GABRG3: variants seen among roughly 807,000 people sequenced by gnomAD.
GABRG3 encodes the protein gamma-aminobutyric acid type A receptor subunit gamma3.
GABRG3 carries 25 observed loss-of-function variants against 48.8 expected under a neutral mutation model. The observed-to-expected ratio is 0.51, with a 90% CI of 0.37 to 0.72. GABRG3 has a LOEUF of 0.72. Ranked by LOEUF, GABRG3 falls within the 30% of genes least tolerant of loss-of-function variation. The pLI, the probability that GABRG3 is intolerant of heterozygous loss-of-function variation, is 0.00. For missense variants in GABRG3, 394 were observed against 577.9 expected (o/e 0.68, Z 3.26); for synonymous variants, 227 against 217.6 (o/e 1.04, Z -0.38).
At chr15:27,202,307 C>T (rs1457860891) in intron 3 of GABRG3, among the ~76,000 whole-genome samples, 1 of 151,864 alleles carries the variant, frequency 6.6e-6, no homozygotes, top group Admixed American at 6.5e-5. Context: ...CTTGGTCAAT[C>T]CTTCAGGTCA....
chr15:27,098,790 A>G (rs1386677986), intron 3 of GABRG3, among the ~76,000 whole-genome samples: 1 of 152,056 alleles, frequency 6.6e-6, no homozygotes, highest in African/African-American at 2.4e-5. Flanking sequence ...AAAAACCCTC[A>G]ATATACTAGA....
intron 2 of GABRG3, among the ~76,000 whole-genome samples, chr15:26,986,489 T>C (rs1248436432): frequency 2.0e-5 from 3 of 152,084 alleles, no homozygotes; most frequent in Non-Finnish European, 4.4e-5. Context: ...CCTCACCACT[T>C]TGGGCAGCTG....
Position 27,096,842 on chromosome 15 carries a change from T to C in GABRG3, c.270+70021T>C, listed in dbSNP as rs554235605. ...ATTCTTTTCTTTTCTTTCTATCTTTTTTTTTTTTTTTTTTGGGAGAATGTG... is the reference window on the plus strand; with the variant it reads ...ATTCTTTTCTTTTCTTTCTATCTTTCTTTTTTTTTTTTTTGGGAGAATGTG... On this transcript the variant is annotated intron_variant, in intron 3 of 9. Transcript: ENST00000615808. Among the ~76,000 whole-genome samples the C allele has an allele frequency of 3.4e-5, 5 of 145,322 alleles. No individual in the cohort carries two copies. In the South Asian group the frequency reaches 1.1e-3, roughly 31 times the overall value.
intron 3 of GABRG3, among the ~76,000 whole-genome samples, chr15:27,281,882 T>A (rs1199985392): frequency 6.6e-6 from 1 of 152,314 alleles, no homozygotes; most frequent in African/African-American, 2.4e-5. Context: ...TTACTTTTAT[T>A]ATTCCCTTTC....
At chr15:27,310,686 AAAG>A (rs917312486) in intron 3 of GABRG3, among the ~76,000 whole-genome samples, 41 of 152,190 alleles carry the variant, frequency 2.7e-4, no homozygotes, top group Non-Finnish European at 2.4e-4. Context: ...TTCTGAATAA[AAAG>A]AAGAAGTTTG....
At chr15:27,104,707 T>C (rs1897420279) in intron 3 of GABRG3, among the ~76,000 whole-genome samples, 1 of 152,206 alleles carries the variant, frequency 6.6e-6, no homozygotes, top group African/African-American at 2.4e-5. Flanking sequence ...TGCTGTTTGC[T>C]TCCTCAGCTG....
At chr15:27,196,508 G>C (rs1216716659) in intron 3 of GABRG3, among the ~76,000 whole-genome samples, 1 of 152,106 alleles carries the variant, frequency 6.6e-6, no homozygotes, top group Non-Finnish European at 1.5e-5. Context: ...AGGGAATTAA[G>C]GGCTCTTGTT....
At chr15:27,408,221 G>A (rs182419120) in intron 5 of GABRG3, among the ~76,000 whole-genome samples, 43 of 152,300 alleles carry the variant, frequency 2.8e-4, no homozygotes, top group African/African-American at 9.9e-4. Flanking sequence ...ATTAAATGCA[G>A]GTTCCAGGGA....
intron 3 of GABRG3, among the ~76,000 whole-genome samples, chr15:27,223,477 CTA>C (rs1889514060): frequency 6.6e-6 from 1 of 152,024 alleles, no homozygotes; most frequent in South Asian, 2.1e-4. Context: ...GGGTCAATTT[CTA>C]TGTTTACTTA....
intron 3 of GABRG3, among the ~76,000 whole-genome samples, chr15:27,265,881 G>GTTTT (rs147459440): frequency 0.45 from 55,423 of 124,020 alleles, 14,349 homozygotes; most frequent in Non-Finnish European, 0.58. Context: ...ATTTTCTCCT[G>GTTTT]GTTTTTTTTT....
At chr15:27,378,893 A>C (rs1895680949) in intron 5 of GABRG3, among the ~76,000 whole-genome samples, 1 of 152,210 alleles carries the variant, frequency 6.6e-6, no homozygotes. Context: ...GAACTGGATG[A>C]AGTGGGTCTT....
chr15:27,266,181 TG>T (rs1890915810), intron 3 of GABRG3, among the ~76,000 whole-genome samples: 2 of 95,684 alleles, frequency 2.1e-5, no homozygotes, highest in African/African-American at 3.7e-5. Flanking sequence ...CACCTGGACC[TG>T]ATTTTTTTTT....
intron 3 of GABRG3, among the ~76,000 whole-genome samples, chr15:27,081,722 T>G (rs1896995803): frequency 1.3e-5 from 2 of 152,310 alleles, no homozygotes; most frequent in East Asian, 3.9e-4. Context: ...ACCAACAACA[T>G]GGGCTTCCCA....
intron 5 of GABRG3, among the ~76,000 whole-genome samples, chr15:27,465,812 A>G (rs1445253981): frequency 1.3e-5 from 2 of 152,224 alleles, no homozygotes; most frequent in African/African-American, 4.8e-5. Flanking sequence ...TTATATACAC[A>G]TAGTGAAAAT....
At chr15:27,300,045 T>A (rs887565686) in intron 3 of GABRG3, among the ~76,000 whole-genome samples, 1 of 152,060 alleles carries the variant, frequency 6.6e-6, no homozygotes, top group Non-Finnish European at 1.5e-5. Context: ...TCCAGAAACA[T>A]GTGGAATAAA....
At chr15:27,046,919 G>A (rs1896375852) in intron 3 of GABRG3, among the ~76,000 whole-genome samples, 1 of 152,158 alleles carries the variant, frequency 6.6e-6, no homozygotes, top group South Asian at 2.1e-4. Flanking sequence ...AAGTGTTATT[G>A]CCACTGTACT....
intron 3 of GABRG3, among the ~76,000 whole-genome samples, chr15:27,193,707 G>T (rs1423526835): frequency 6.6e-6 from 1 of 152,078 alleles, no homozygotes; most frequent in Non-Finnish European, 1.5e-5. Flanking sequence ...TTCGGCTTGT[G>T]CACGGTGCGC....
intron 3 of GABRG3, among the ~76,000 whole-genome samples, chr15:27,063,815 A>G (rs549642061): frequency 2.0e-5 from 3 of 152,168 alleles, no homozygotes; most frequent in Non-Finnish European, 4.4e-5. Flanking sequence ...AGAGCCCCCC[A>G]GGTCAGAATG....
At chr15:27,512,149 G>A (rs1199744837) in intron 6 of GABRG3, among the ~76,000 whole-genome samples, 1 of 152,146 alleles carries the variant, frequency 6.6e-6, no homozygotes, top group Non-Finnish European at 1.5e-5. Flanking sequence ...AAAGGATTAT[G>A]TTGGCTGTTA....
Sources: allele counts gnomAD v4.1 joint callset (sites outside exome capture counted in the v4.1 genomes callset), GRCh38; gene constraint gnomAD v4.1.1; transcripts MANE v1.5; gene names NCBI Gene and HGNC (gene_info 2026-07-23, HGNC 2026-07-21).